Variants in DRD2 observed in about 807,000 individuals in gnomAD.
The protein encoded by DRD2 is dopamine receptor D2.
In DRD2, 8 loss-of-function variants were observed where a neutral mutation model predicts 38.0. The observed-to-expected ratio is 0.21, with a 90% CI of 0.12 to 0.38. The LOEUF (loss-of-function observed/expected upper bound fraction) is 0.38, where lower values mean the gene tolerates loss of function less well. Among genes scored for constraint, DRD2 ranks in the 10% least tolerant of loss-of-function variants. The probability of loss-of-function intolerance (pLI) is 1.00; values close to 1 mark genes in which losing one functional copy is unlikely to be tolerated. For synonymous variants in DRD2, 230 were observed against 238.6 expected, an observed-to-expected ratio of 0.96 and a Z score of 0.33; for missense variants, 403 against 607.7, an observed-to-expected ratio of 0.66 and a Z score of 3.54.
intron 1 of DRD2, among the ~76,000 whole-genome samples, chr11:113,444,027 TTTG>T (rs1219203421): frequency 6.6e-6 from 1 of 152,126 alleles, no homozygotes; most frequent in Admixed American, 6.5e-5. Context: ...TGAATTTGTT[TTTG>T]TTGTTGTTGT....
At chr11:113,435,941 G>T (rs1951031838) in intron 1 of DRD2, among the ~76,000 whole-genome samples, 1 of 152,188 alleles carries the variant, frequency 6.6e-6, no homozygotes, top group South Asian at 2.1e-4. Context: ...GCAGAAAATT[G>T]TTCTTCTTTA....
intron 1 of DRD2, among the ~76,000 whole-genome samples, chr11:113,471,127 C>T (rs886688104): frequency 2.0e-5 from 3 of 152,322 alleles, no homozygotes; most frequent in East Asian, 1.9e-4. Context: ...ACTCCTCCAT[C>T]CCCATGTGCT....
chr11:113,431,790 T>C (rs1163507964), intron 1 of DRD2, among the ~76,000 whole-genome samples: 1 of 152,252 alleles, frequency 6.6e-6, no homozygotes, highest in African/African-American at 2.4e-5. Flanking sequence ...TCACCCTATA[T>C]GCCTTACAAA....
intron 1 of DRD2, among the ~76,000 whole-genome samples, chr11:113,447,101 G>C (rs922955959): frequency 6.6e-6 from 1 of 152,176 alleles, no homozygotes; most frequent in Non-Finnish European, 1.5e-5. Flanking sequence ...GCATGTCATA[G>C]CCCTTGCAAG....
chr11:113,415,629 C>T lies in DRD2; in HGVS notation c.533-18G>A, dbSNP rs201949556. ...GTTCTGGTCTGGGGGAGGGAGAGCCCGGGCAGGCAGGGAGTCAGCGGGCCC... is the reference window on the plus strand; with the variant it reads ...GTTCTGGTCTGGGGGAGGGAGAGCCTGGGCAGGCAGGGAGTCAGCGGGCCC... On this transcript the variant is annotated intron_variant, in intron 4 of 7. Coordinates refer to ENST00000362072, the MANE Select transcript of DRD2 (RefSeq NM_000795.4). 1.2e-6 allele frequency: 2 copies of T among 1,602,468 alleles called. No homozygotes were observed. The highest frequency in any genetic ancestry group is 1.7e-6 in the Non-Finnish European group (2 of 1,174,240).
At chr11:113,426,067 G>A (rs1950939021) in intron 1 of DRD2, among the ~76,000 whole-genome samples, 1 of 152,058 alleles carries the variant, frequency 6.6e-6, no homozygotes, top group South Asian at 2.1e-4. Flanking sequence ...CTGTAATTTA[G>A]GTTAGAAATT....
chr11:113,427,375 C>A (rs1950949817), intron 1 of DRD2, among the ~76,000 whole-genome samples: 1 of 152,104 alleles, frequency 6.6e-6, no homozygotes, highest in Non-Finnish European at 1.5e-5. Flanking sequence ...AGCCATCACC[C>A]ACCCTCCTCA....
At position 113,453,464 on chromosome 11, in the gene DRD2, A is replaced by C. The variant is rs529312452; in HGVS notation, c.-32+21612T>G. Among the ~76,000 whole-genome samples, 24 of 152,372 alleles carry C rather than the reference A, an allele frequency of 1.6e-4. 2 individuals carry two copies. The highest frequency in any genetic ancestry group is 5.8e-4 in the African/African-American group (24 of 41,586). ...GCTTTGAAGTAGTAAGATGCCTATC[A>C]AATGAGAAGTTTTAGAATTACGATT... On this transcript the variant is annotated intron_variant, in intron 1 of 7. Transcript: ENST00000362072.
At chr11:113,411,009 C>A (rs1591271193) in intron 7 of DRD2, 89 bp from the exon 8 acceptor site, 1 of 1,420,664 alleles carries the variant, frequency 7.0e-7, no homozygotes, top group East Asian at 2.4e-5. Context: ...GGCTCGTATG[C>A]CAAGACGGTG....
chr11:113,461,365 C>T (rs748308322), intron 1 of DRD2, among the ~76,000 whole-genome samples: 5 of 152,174 alleles, frequency 3.3e-5, no homozygotes, highest in Admixed American at 2.0e-4. Flanking sequence ...CCAGGCCTCC[C>T]ATCCACCACC....
chr11:113,414,159 C>T, intron 6 of DRD2: 2 of 626,286 alleles, frequency 3.2e-6, no homozygotes, highest in Non-Finnish European at 5.8e-6. Flanking sequence ...TATGGCCAAC[C>T]ATTTTCTCGT....
intron 1 of DRD2, among the ~76,000 whole-genome samples, chr11:113,433,561 C>T (rs1483287541): frequency 2.6e-5 from 4 of 152,138 alleles, no homozygotes; most frequent in Admixed American, 2.6e-4. Flanking sequence ...GGGGAGCCTC[C>T]CTGGAACCTG....
chr11:113,422,791 G>A (rs1389449026), intron 2 of DRD2, among the ~76,000 whole-genome samples: 4 of 152,142 alleles, frequency 2.6e-5, no homozygotes, highest in Non-Finnish European at 5.9e-5. Flanking sequence ...GGACAGGGAG[G>A]TGTGCCACTT....
intron 1 of DRD2, among the ~76,000 whole-genome samples, chr11:113,460,009 A>G (rs1230875213): frequency 1.3e-5 from 2 of 152,262 alleles, no homozygotes; most frequent in Non-Finnish European, 2.9e-5. Flanking sequence ...GGGTCTGGGA[A>G]GAAAGAAATC....
At chr11:113,470,124 A>G (rs546628920) in intron 1 of DRD2, among the ~76,000 whole-genome samples, 12 of 152,274 alleles carry the variant, frequency 7.9e-5, no homozygotes, top group Non-Finnish European at 1.5e-4. Context: ...GTTGCTAGTG[A>G]TGGTGCTGCC....
intron 1 of DRD2, among the ~76,000 whole-genome samples, chr11:113,470,782 T>A (rs1951416505): frequency 6.6e-6 from 1 of 152,202 alleles, no homozygotes; most frequent in Non-Finnish European, 1.5e-5. Flanking sequence ...TTTCCAGGCT[T>A]CTGAGTTCAA....
chr11:113,425,036 A>C (rs1015436418), intron 1 of DRD2: 9 of 303,454 alleles, frequency 3.0e-5, no homozygotes, highest in Non-Finnish European at 5.6e-5. Flanking sequence ...ATCGAAACAG[A>C]AATGGGTATT....
intron 1 of DRD2, among the ~76,000 whole-genome samples, chr11:113,467,040 G>A (rs866496540): frequency 7.2e-5 from 11 of 152,144 alleles, no homozygotes; most frequent in Non-Finnish European, 1.3e-4. Context: ...TGGATCCACC[G>A]TGGTGCGGGG....
rs912340161 is a variant in DRD2, at chr11:113,429,411, A to T, written c.-31-4729T>A. On this transcript the variant is annotated intron_variant, in intron 1 of 7. Coordinates refer to ENST00000362072, the MANE Select transcript of DRD2 (RefSeq NM_000795.4). ...AGGTGCCCGCCACCATGTCCAGCTA[A>T]TTTTTTTGTATTTTTAGTAGAGACG... is the stretch of plus-strand genomic sequence containing the variant. Among the ~76,000 whole-genome samples the T allele has an allele frequency of 4.6e-5, 7 of 152,048 alleles. 1 individual carries two copies. The highest frequency in any genetic ancestry group is 1.7e-4 in the African/African-American group (7 of 41,476).
Sources: gnomAD v4.1 joint callset for allele counts (sites outside exome capture counted in the v4.1 genomes callset) on GRCh38, gnomAD v4.1.1 for gene constraint, MANE v1.5 for transcripts, NCBI Gene and HGNC (gene_info 2026-07-23, HGNC 2026-07-21) for gene names.